RUNX1: variants seen among roughly 807,000 people sequenced by gnomAD.
RUNX1 encodes runt-related transcription factor 1.
Under a neutral mutation model 42.8 loss-of-function variants are expected in RUNX1, and 19 were observed. The ratio of observed to expected loss-of-function variants is 0.44; its 90% CI spans 0.31 to 0.65. RUNX1 has a LOEUF of 0.65. Among genes scored for constraint, RUNX1 ranks in the 30% least tolerant of loss-of-function variants. The pLI is 0.07. For synonymous variants in RUNX1, 271 were observed against 289.4 expected (o/e 0.94, Z 0.64); for missense variants, 528 against 672.0 (o/e 0.79, Z 2.37).
At chr21:35,001,308 T>TTATA (rs3059374) in intron 2 of RUNX1, among the ~76,000 whole-genome samples, 1,475 of 142,424 alleles carry the variant, frequency 0.01, 12 homozygotes, top group East Asian at 0.015. Flanking sequence ...AGTTATGGTT[T>TTATA]TATATATATA....
intron 2 of RUNX1, among the ~76,000 whole-genome samples, chr21:34,932,661 G>T (rs2058456385): frequency 6.6e-6 from 1 of 152,092 alleles, no homozygotes; most frequent in African/African-American, 2.4e-5. Flanking sequence ...TTCTACTGAG[G>T]TTACTAACTC....
rs11908729 is a variant in RUNX1 at position 34,990,041 on chromosome 21, A to G, written c.58+58801T>C. On this transcript the variant is annotated intron_variant, in intron 2 of 8. Coordinates refer to ENST00000675419, the MANE Select transcript of RUNX1 (RefSeq NM_001754.5). ...TTCACAATTACAAGTCTCACCTCCCACTCTGAGCTTCTATGACTCTATCGT... is the reference window on the plus strand; with the variant it reads ...TTCACAATTACAAGTCTCACCTCCCGCTCTGAGCTTCTATGACTCTATCGT... Among the ~76,000 whole-genome samples the G allele has an allele frequency of 8.4e-3, 1,275 of 152,086 alleles. 20 individuals carry two copies. The highest frequency in any genetic ancestry group is 0.029 in the African/African-American group (1,192 of 41,474).
chr21:34,905,349 T>TC (rs1197871523), intron 2 of RUNX1, among the ~76,000 whole-genome samples: 1 of 152,078 alleles, frequency 6.6e-6, no homozygotes, highest in East Asian at 1.9e-4. Flanking sequence ...GATTTCCCCA[T>TC]CCCCCACCTT....
intron 2 of RUNX1, among the ~76,000 whole-genome samples, chr21:34,894,565 A>T (rs187722295): frequency 3.3e-4 from 50 of 152,238 alleles, no homozygotes; most frequent in South Asian, 2.1e-4. Flanking sequence ...TGATTTGCCC[A>T]TGAAACTGTT....
chr21:34,828,439 C>T (rs562260089), intron 7 of RUNX1, among the ~76,000 whole-genome samples: 2 of 152,302 alleles, frequency 1.3e-5, no homozygotes, highest in African/African-American at 4.8e-5. Context: ...TCACCCATAT[C>T]TGGTTTAGAC....
chr21:34,859,340 T>C (rs760569868), intron 6 of RUNX1, 134 bp downstream of exon 6: 7 of 738,902 alleles, frequency 9.5e-6, no homozygotes, highest in Admixed American at 8.4e-5. Context: ...TGCAACTTTT[T>C]GGCTTTACGG....
chr21:34,954,005 A>G (rs1427551018), intron 2 of RUNX1, among the ~76,000 whole-genome samples: 1 of 152,346 alleles, frequency 6.6e-6, no homozygotes, highest in East Asian at 1.9e-4. Context: ...TATTTCCAAA[A>G]TGATTTTCTT....
chr21:34,858,677 G>A (rs942562302), intron 6 of RUNX1, among the ~76,000 whole-genome samples: 5 of 152,266 alleles, frequency 3.3e-5, no homozygotes, highest in Middle Eastern at 3.4e-3. Flanking sequence ...GACCTGATAC[G>A]GTTTGGAGAC....
At chr21:34,938,031 T>G (rs182041397) in intron 2 of RUNX1, among the ~76,000 whole-genome samples, 86 of 152,348 alleles carry the variant, frequency 5.6e-4, no homozygotes, top group African/African-American at 1.9e-3. Flanking sequence ...CAGATATGCA[T>G]AGTGCCGTGC....
chr21:34,872,217 G>A (rs2057748678), intron 5 of RUNX1, among the ~76,000 whole-genome samples: 1 of 152,186 alleles, frequency 6.6e-6, no homozygotes, highest in Non-Finnish European at 1.5e-5. Flanking sequence ...GTGGCTCCAT[G>A]GACTCTCTGC....
intron 4 of RUNX1, among the ~76,000 whole-genome samples, chr21:34,882,937 G>A (rs956074163): frequency 4.6e-5 from 7 of 152,168 alleles, no homozygotes; most frequent in Admixed American, 2.0e-4. Context: ...CACTACGTGG[G>A]TTTCAAACTG....
chr21:34,847,109 A>G (rs1296056570), intron 6 of RUNX1, among the ~76,000 whole-genome samples: 1 of 152,242 alleles, frequency 6.6e-6, no homozygotes, highest in African/African-American at 2.4e-5. Flanking sequence ...TGGTTCTGTG[A>G]GCATTTCATT....
intron 2 of RUNX1, among the ~76,000 whole-genome samples, chr21:34,951,014 T>C (rs1174198961): frequency 6.6e-6 from 1 of 152,236 alleles, no homozygotes; most frequent in African/African-American, 2.4e-5. Context: ...ATTATGAAGT[T>C]TGTTAGAAGA....
chr21:34,998,839 C>G (rs975936297), intron 2 of RUNX1, among the ~76,000 whole-genome samples: 1 of 152,224 alleles, frequency 6.6e-6, no homozygotes, highest in Non-Finnish European at 1.5e-5. Flanking sequence ...CCGTGCCCGG[C>G]CTCTTTTTTC....
chr21:34,943,866 G>A (rs2058545721), intron 2 of RUNX1, among the ~76,000 whole-genome samples: 1 of 152,126 alleles, frequency 6.6e-6, no homozygotes, highest in African/African-American at 2.4e-5. Flanking sequence ...AGTGGTGAAA[G>A]TTACAGAGAG....
intron 4 of RUNX1, 66 bp downstream of exon 4, chr21:34,886,777 C>T: frequency 1.2e-6 from 2 of 1,608,698 alleles, no homozygotes; most frequent in East Asian, 2.2e-5. Flanking sequence ...GGCCGCTGCC[C>T]TCGCGGATCT....
At chr21:34,806,807 C>G (rs1569014369) in intron 7 of RUNX1, among the ~76,000 whole-genome samples, 1 of 151,796 alleles carries the variant, frequency 6.6e-6, no homozygotes, top group South Asian at 2.1e-4. Flanking sequence ...ATTAAAAAGC[C>G]AATAATAGAT....
intron 7 of RUNX1, among the ~76,000 whole-genome samples, chr21:34,807,895 G>C (rs1041093143): frequency 2.6e-5 from 4 of 152,148 alleles, no homozygotes; most frequent in African/African-American, 9.7e-5. Flanking sequence ...CCTGGGGGTG[G>C]GTGACTCTGC....
At chr21:34,966,179 C>T (rs535623579) in intron 2 of RUNX1, among the ~76,000 whole-genome samples, 23 of 152,248 alleles carry the variant, frequency 1.5e-4, no homozygotes, top group African/African-American at 4.8e-4. Context: ...TTAATTTGCC[C>T]AAGATCACAA....
Sources: allele counts gnomAD v4.1 joint callset (sites outside exome capture counted in the v4.1 genomes callset), GRCh38; gene constraint gnomAD v4.1.1; transcripts MANE v1.5; gene names NCBI Gene and HGNC (gene_info 2026-07-23, HGNC 2026-07-21).